Variants in CEP164 observed in about 807,000 individuals in gnomAD.
CEP164 encodes centrosomal protein 164, also known as centrosomal protein of 164 kDa.
CEP164 carries 162 observed loss-of-function variants against 182.7 expected under a neutral mutation model. The ratio of observed to expected loss-of-function variants is 0.89; its 90% CI spans 0.78 to 1.01. The LOEUF (loss-of-function observed/expected upper bound fraction) is 1.01. CEP164 is among the 50% of genes least tolerant of loss of function. CEP164 has a pLI of 0.00. For synonymous variants in CEP164, 661 were observed against 690.0 expected (o/e 0.96, Z 0.66); for missense variants, 1,735 against 1,790.4 (o/e 0.97, Z 0.56).
chr11:117,337,186 A>AAGTCT (rs927997648), intron 2 of CEP164, among the ~76,000 whole-genome samples: 1 of 152,076 alleles, frequency 6.6e-6, no homozygotes, highest in Non-Finnish European at 1.5e-5. Context: ...GCCCATATCA[A>AAGTCT]AGTCTGTTGC....
Position 117,394,490 on chromosome 11 carries a change from G to A in CEP164, c.2757G>A (p.Glu919=). The change falls in exon 21 of 33, where the codon GAG becomes GAA. Residue 919 remains glutamate (E), a synonymous_variant. Transcript: ENST00000278935. The surrounding 1 kb of genome is among the most constrained non-coding windows in gnomAD (Gnocchi z 4.0). ...RLEDLRRRHR[E]QERKLQDLEL... Reference sequence around the variant, plus strand: ...AGGACTTGCGGCGCCGGCACAGGGAGCAGGTGAGGGGCCTGGGGCAGGGTG... The same window carrying A: ...AGGACTTGCGGCGCCGGCACAGGGAACAGGTGAGGGGCCTGGGGCAGGGTG... 1 of 1,613,712 alleles carries A rather than the reference G, an allele frequency of 6.2e-7. No homozygotes were observed. Among genetic ancestry groups the A allele is most frequent in the East Asian group, 2.2e-5 (1 of 44,872 alleles).
intron 4 of CEP164, among the ~76,000 whole-genome samples, chr11:117,350,259 G>A (rs569361281): frequency 6.6e-6 from 1 of 151,864 alleles, no homozygotes; most frequent in Non-Finnish European, 1.5e-5. Flanking sequence ...CTGGAGTGCA[G>A]TGGTGTGATC....
chr11:117,408,803 G>A, intron 28 of CEP164, 87 bp from the exon 29 acceptor site: 2 of 1,545,912 alleles, frequency 1.3e-6, no homozygotes, highest in Non-Finnish European at 1.8e-6. Flanking sequence ...ACCTAGCTCA[G>A]TGTCCCAGCC....
At chr11:117,348,195 C>T (rs1300380684) in intron 4 of CEP164, among the ~76,000 whole-genome samples, 1 of 151,996 alleles carries the variant, frequency 6.6e-6, no homozygotes, top group Non-Finnish European at 1.5e-5. Flanking sequence ...TGGTCTTGAA[C>T]TCCTAAGCTC....
intron 15 of CEP164, among the ~76,000 whole-genome samples, chr11:117,388,072 C>T (rs1414405177): frequency 3.3e-5 from 5 of 152,198 alleles, no homozygotes; most frequent in Admixed American, 6.5e-5. Context: ...TAGCATCCTC[C>T]TCTTCCAGCC....
At chr11:117,387,838 G>C (rs953346012) in intron 15 of CEP164, among the ~76,000 whole-genome samples, 215 of 152,302 alleles carry the variant, frequency 1.4e-3, no homozygotes, top group African/African-American at 5.1e-3. Flanking sequence ...ATTATTTTTA[G>C]ATGATACCTA....
chr11:117,356,991 A>G (rs1190954207), intron 5 of CEP164, among the ~76,000 whole-genome samples: 2 of 152,204 alleles, frequency 1.3e-5, no homozygotes, highest in Non-Finnish European at 2.9e-5. Context: ...CTATCAGCTG[A>G]TTCTAGAGAG....
rs998620824 is a variant in CEP164, at chr11:117,379,621, G to A, written c.1318-993G>A. Among the ~76,000 whole-genome samples, 20 of 152,266 alleles carry A rather than the reference G, an allele frequency of 1.3e-4. No homozygotes were observed. In the East Asian group the frequency reaches 1.5e-3, roughly 12 times the overall value. On this transcript the variant is annotated intron_variant, in intron 11 of 32. Transcript: ENST00000278935. Reference sequence around the variant, plus strand: ...CTTTGGGTCACGAGCTGGGCCTTACGTATATGAGCTGATTTAATCCTCACC... The same window carrying A: ...CTTTGGGTCACGAGCTGGGCCTTACATATATGAGCTGATTTAATCCTCACC...
chr11:117,355,420 C>T (rs1458900174), intron 5 of CEP164: 3 of 1,289,698 alleles, frequency 2.3e-6, no homozygotes, highest in African/African-American at 3.0e-5. Flanking sequence ...AGGCCTCTGT[C>T]CACTCAAAGC....
At chr11:117,400,747 A>G (rs2046038797) in intron 27 of CEP164, among the ~76,000 whole-genome samples, 1 of 152,186 alleles carries the variant, frequency 6.6e-6, no homozygotes. Context: ...TCTTTGTAGC[A>G]ACTGTGAATG....
At chr11:117,369,419 G>A (rs1464980826) in intron 8 of CEP164, among the ~76,000 whole-genome samples, 1 of 152,208 alleles carries the variant, frequency 6.6e-6, no homozygotes, top group Admixed American at 6.5e-5. Context: ...GGCAGCCTCT[G>A]TCTCCAAAGC....
chr11:117,396,521 C>A (rs200039613), intron 25 of CEP164, 29 bp from the exon 26 acceptor site: 5 of 1,594,460 alleles, frequency 3.1e-6, no homozygotes, highest in Non-Finnish European at 4.3e-6. Context: ...TTGCTACACT[C>A]AGTGGACTTT....
Position 117,409,114 on chromosome 11 carries a change from AGCCCTGCAGAGGGAG to A in CEP164, c.3748+90_3748+104del. On this transcript the variant is annotated intron_variant, in intron 29 of 32. Coordinates refer to ENST00000278935, the MANE Select transcript of CEP164 (RefSeq NM_014956.5). The surrounding 1 kb of genome is among the most constrained non-coding windows in gnomAD (Gnocchi z 4.4). Reference sequence around the variant, plus strand: ...AATAGAAGAAGAGCTCTCTTCCCTCAGCCCTGCAGAGGGAGGCCTCTGTGAGCCGGTGTCTGGACT... The same window carrying A: ...AATAGAAGAAGAGCTCTCTTCCCTCAGCCTCTGTGAGCCGGTGTCTGGACT... 6.5e-7 allele frequency: 1 copy of A among 1,531,898 alleles called. No homozygotes were observed. Among genetic ancestry groups the A allele is most frequent in the Non-Finnish European group, 8.9e-7 (1 of 1,123,926 alleles). 94.9% of individuals were successfully genotyped at this position (1,531,898 alleles called of 1,614,324 possible).
At chr11:117,372,474 G>T (rs2042315265) in intron 9 of CEP164, among the ~76,000 whole-genome samples, 1 of 151,502 alleles carries the variant, frequency 6.6e-6, no homozygotes, top group Non-Finnish European at 1.5e-5. Context: ...CTGGAGTGCA[G>T]TGGTGCGATC....
At chr11:117,342,774 C>T (rs1188135822) in intron 3 of CEP164, among the ~76,000 whole-genome samples, 1 of 152,164 alleles carries the variant, frequency 6.6e-6, no homozygotes, top group Non-Finnish European at 1.5e-5. Flanking sequence ...CCATGCCTGG[C>T]TGAGATAGCT....
At chr11:117,335,273 G>C (rs2036905371) in intron 1 of CEP164, among the ~76,000 whole-genome samples, 1 of 152,170 alleles carries the variant, frequency 6.6e-6, no homozygotes, top group South Asian at 2.1e-4. Context: ...TCCCACTTCA[G>C]CTTATGTACT....
At chr11:117,389,025 C>G (rs1284332665) in intron 15 of CEP164, among the ~76,000 whole-genome samples, 1 of 152,060 alleles carries the variant, frequency 6.6e-6, no homozygotes, top group African/African-American at 2.4e-5. Flanking sequence ...CTGCCTCGGC[C>G]TCCCAAAGTG....
rs979042375 is a variant in CEP164 at position 117,356,215 on chromosome 11, A to G, written c.393+4227A>G. On this transcript the variant is annotated intron_variant, in intron 5 of 32. Transcript: ENST00000278935. Reference sequence around the variant, plus strand: ...AGAGCCCTGACGAGGAGCAGTCAGAAAGTGAAGACTACTCTGAGGACCAGA... The same window carrying G: ...AGAGCCCTGACGAGGAGCAGTCAGAGAGTGAAGACTACTCTGAGGACCAGA... 11 of 1,077,346 alleles carry G rather than the reference A, an allele frequency of 1.0e-5. No individual in the cohort carries two copies. In the East Asian group the frequency reaches 1.0e-3, roughly 99 times the overall value. 66.7% of individuals were successfully genotyped at this position (1,077,346 alleles called of 1,614,324 possible). A position where few individuals can be genotyped will look rare whatever the true frequency, so the allele number is the denominator to read the frequency against.
rs1272475844 is a variant in CEP164 at position 117,395,703 on chromosome 11, C to G, written c.3070C>G (p.Gln1024Glu). 1 of 1,611,666 alleles carries G rather than the reference C, an allele frequency of 6.2e-7. No individual in the cohort carries two copies. The highest frequency in any genetic ancestry group is 8.5e-7 in the Non-Finnish European group (1 of 1,179,364). ...GGATCTGCTGCAGGCTCAGAGCCAG[C>G]AACTGCAGAAACACTTCAGGTGGCG... is the stretch of plus-strand genomic sequence containing the variant. ...QVDLLQAQSQ[Q>E]LQKHFSSLEA... The change falls in exon 24 of 33, where the codon CAA becomes GAA. Residue 1024 changes from glutamine (Q) to glutamate (E), a missense_variant. Gln to Glu is a conservative substitution (Grantham distance 29). Coordinates refer to ENST00000278935, the MANE Select transcript of CEP164 (RefSeq NM_014956.5).
Sources: gnomAD v4.1 joint callset for allele counts (sites outside exome capture counted in the v4.1 genomes callset) on GRCh38, gnomAD v4.1.1 for gene constraint, Gnocchi (gnomAD v3.1) non-coding constraint, MANE v1.5 for transcripts, NCBI Gene and HGNC (gene_info 2026-07-23, HGNC 2026-07-21) for gene names.